The following MYLK variants were observed in gnomAD, a reference collection of about 807,000 sequenced individuals.
MYLK encodes the protein myosin light chain kinase.
A neutral mutation model predicts 203.4 loss-of-function variants in MYLK; 106 were observed. The ratio of observed to expected loss-of-function variants is 0.52; its 90% CI spans 0.45 to 0.61. The LOEUF (loss-of-function observed/expected upper bound fraction) is 0.61. Ranked by LOEUF, MYLK falls within the 20% of genes least tolerant of loss-of-function variation. MYLK has a pLI of 0.00. For synonymous variants in MYLK, 867 were observed against 959.5 expected, an observed-to-expected ratio of 0.90 and a Z score of 1.78; for missense variants, 2,072 against 2,442.3, an observed-to-expected ratio of 0.85 and a Z score of 3.20.
chr3:123,798,896 T>C (rs2109139843), intron 3 of MYLK, among the ~76,000 whole-genome samples: 1 of 152,284 alleles, frequency 6.6e-6, no homozygotes, highest in South Asian at 2.1e-4. Flanking sequence ...AAAAAATTAA[T>C]AATAAAGTAA....
chr3:123,667,160 G>A lies in MYLK; in HGVS notation c.3680C>T (p.Ala1227Val). The A allele has an allele frequency of 2.5e-6, 4 of 1,614,120 alleles. No homozygotes were observed. The highest frequency in any genetic ancestry group is 3.4e-6 in the Non-Finnish European group (4 of 1,180,014). ...ACCTGCCTTCGGAGGTGTCTTGGGG[G>A]CAGGTTTCTTTTTCACAGTCGCATC... ...ESDATVKKKP[A>V]PKTPPKAAMP... is the part of the protein sequence containing the mutation. Residue 1227 changes from alanine (A) to valine (V), a missense_variant, in exon 21 of 34, where the codon GCC becomes GTC. Ala to Val is a moderately conservative substitution (Grantham distance 64). Transcript: ENST00000360304.
chr3:123,779,323 T>C (rs1247456152), intron 4 of MYLK, among the ~76,000 whole-genome samples: 3 of 152,226 alleles, frequency 2.0e-5, no homozygotes, highest in African/African-American at 7.2e-5. Flanking sequence ...GTGGAAAGTA[T>C]GTTCAGGTGC....
At chr3:123,682,902 C>G (rs2060318480) in intron 19 of MYLK, among the ~76,000 whole-genome samples, 2 of 152,170 alleles carry the variant, frequency 1.3e-5, no homozygotes, top group Non-Finnish European at 2.9e-5. Flanking sequence ...TAGACCTCCC[C>G]CAACAGGCCC....
chr3:123,697,654 G>C (rs2060987311), intron 18 of MYLK, among the ~76,000 whole-genome samples: 1 of 152,196 alleles, frequency 6.6e-6, no homozygotes. Context: ...TACAGTCATT[G>C]TTGGGAGGAT....
intron 18 of MYLK, among the ~76,000 whole-genome samples, chr3:123,696,560 AC>A (rs1335598274): frequency 6.6e-6 from 1 of 150,816 alleles, no homozygotes; most frequent in Non-Finnish European, 1.5e-5. Flanking sequence ...CCACTCAGGC[AC>A]CCACACTTAG....
chr3:123,696,258 A>T (rs1022742140), intron 18 of MYLK, among the ~76,000 whole-genome samples: 2 of 152,270 alleles, frequency 1.3e-5, no homozygotes, highest in South Asian at 4.2e-4. Flanking sequence ...GCAGATACAC[A>T]GGTTGATGGG....
intron 3 of MYLK, among the ~76,000 whole-genome samples, chr3:123,827,331 A>G (rs1002478384): frequency 6.6e-6 from 1 of 152,148 alleles, no homozygotes; most frequent in East Asian, 1.9e-4. Context: ...AAACCCAAAC[A>G]GGTCCTCACT....
At chr3:123,713,197 G>A (rs1425289922) in intron 13 of MYLK, among the ~76,000 whole-genome samples, 1 of 152,156 alleles carries the variant, frequency 6.6e-6, no homozygotes, top group Non-Finnish European at 1.5e-5. Flanking sequence ...AAGCCCTACA[G>A]CAAGAAAGAA....
intron 12 of MYLK, among the ~76,000 whole-genome samples, chr3:123,723,560 G>A (rs2062169357): frequency 1.3e-5 from 2 of 152,216 alleles, no homozygotes. Context: ...CAAGCCTTTT[G>A]AGAGCTCTCC....
intron 5 of MYLK, among the ~76,000 whole-genome samples, chr3:123,752,038 G>T (rs2063209980): frequency 6.6e-6 from 1 of 152,012 alleles, no homozygotes; most frequent in Non-Finnish European, 1.5e-5. Context: ...GTGGGGCTCT[G>T]TAAGACCATC....
rs368325180 is a variant in MYLK at position 123,752,444 on chromosome 3, C to G, written c.260G>C (p.Gly87Ala). The change falls in exon 5 of 34, where the codon GGG (glycine) becomes GCG (alanine). Residue 87 changes from glycine (G) to alanine (A), a missense_variant. This residue lies in a region of MYLK where 683 missense variants were observed against 643.8 expected (regional missense o/e 1.06). Transcript: ENST00000360304. Reference protein sequence around the residue: ...GRFLLDCGIRGTFSLVIHAVH... With the variant: ...GRFLLDCGIRATFSLVIHAVH... Reference sequence around the variant, plus strand: ...AGCATGAATCACAAGGCTGAAAGTCCCCCGGATGCCGCAATCCAGCAGGAA... The same window carrying G: ...AGCATGAATCACAAGGCTGAAAGTCGCCCGGATGCCGCAATCCAGCAGGAA... 1 of 1,614,174 alleles carries G rather than the reference C, an allele frequency of 6.2e-7. No homozygotes were observed. The highest frequency in any genetic ancestry group is 2.2e-5 in the East Asian group (1 of 44,876).
intron 31 of MYLK, chr3:123,622,521 C>T (rs1022517407): frequency 1.3e-5 from 2 of 152,168 alleles, no homozygotes; most frequent in Non-Finnish European, 2.9e-5. Flanking sequence ...TGTGGCGAGA[C>T]GATGTCTTTT....
Position 123,737,507 on chromosome 3 carries a change from C to G in MYLK, c.625G>C (p.Val209Leu), listed in dbSNP as rs2062718110. 6.2e-7 allele frequency: 1 copy of G among 1,614,202 alleles called. No individual in the cohort carries two copies. Among genetic ancestry groups the G allele is most frequent in the East Asian group, 2.2e-5 (1 of 44,878 alleles). ...VPLQPSARVS[V>L]SEKNGMQVLE... ...ACCTGCATGCCGTTCTTCTCAGACACAGACACACGGGCACTCGGCTGCAGT... is the reference window on the plus strand; with the variant it reads ...ACCTGCATGCCGTTCTTCTCAGACAGAGACACACGGGCACTCGGCTGCAGT... Residue 209 changes from valine (V) to leucine (L), a missense_variant, in exon 8 of 34, where the codon GTG becomes CTG. Val to Leu is a conservative substitution (Grantham distance 32). Around this residue, in one of 3 missense-constraint regions of MYLK, gnomAD observed 683 missense variants for 643.8 expected, o/e 1.06. Coordinates refer to ENST00000360304, the MANE Select transcript of MYLK (RefSeq NM_053025.4).
At chr3:123,876,689 CA>C (rs1342000315) in intron 1 of MYLK, 72 bp from the exon 2 acceptor site, 1 of 152,142 alleles carries the variant, frequency 6.6e-6, no homozygotes, top group African/African-American at 2.4e-5. Flanking sequence ...ACATCACAAA[CA>C]TCTGGAAAGC....
At chr3:123,806,552 A>G (rs1022136030) in intron 3 of MYLK, among the ~76,000 whole-genome samples, 1 of 152,236 alleles carries the variant, frequency 6.6e-6, no homozygotes, top group African/African-American at 2.4e-5. Context: ...TAATGTTACC[A>G]AAAGGGTTTT....
Position 123,642,762 on chromosome 3 carries a change from CA to C in MYLK, c.4620-2259del, listed in dbSNP as rs2058881765. 6.6e-6 allele frequency among the ~76,000 whole-genome samples: 1 copy of C among 152,238 alleles called. No individual in the cohort carries two copies. Reference sequence around the variant, plus strand: ...GCAGATTAAAAACAGCCTCACCTCACAGGGTGGCTTCAAAGACTAAATGAGT... The same window carrying C: ...GCAGATTAAAAACAGCCTCACCTCACGGGTGGCTTCAAAGACTAAATGAGT... On this transcript the variant is annotated intron_variant, in intron 27 of 33. Coordinates refer to ENST00000360304, the MANE Select transcript of MYLK (RefSeq NM_053025.4). The surrounding 1 kb of genome is among the most constrained non-coding windows in gnomAD (Gnocchi z 4.2).
At chr3:123,737,283 A>G in intron 8 of MYLK, 95 bp downstream of exon 8, 2 of 1,515,212 alleles carry the variant, frequency 1.3e-6, no homozygotes, top group Non-Finnish European at 1.8e-6. Flanking sequence ...GGCCAGGTGT[A>G]TACACACACA....
chr3:123,687,505 AC>A (rs142013166), intron 19 of MYLK, among the ~76,000 whole-genome samples: 5 of 152,098 alleles, frequency 3.3e-5, no homozygotes, highest in African/African-American at 1.2e-4. Context: ...GTCACCAATG[AC>A]CTCAATGTTG....
At chr3:123,726,107 G>C (rs899563563) in intron 11 of MYLK, 29 bp from the exon 12 acceptor site, 5 of 1,613,608 alleles carry the variant, frequency 3.1e-6, no homozygotes, top group Non-Finnish European at 4.2e-6. Flanking sequence ...GGTCAGCTCA[G>C]ATCACAGCTT....
Sources: gnomAD v4.1 joint callset for allele counts (sites outside exome capture counted in the v4.1 genomes callset) on GRCh38, gnomAD v4.1.1 for gene constraint, gnomAD v4.1.1 regional missense constraint, Gnocchi (gnomAD v3.1) non-coding constraint, MANE v1.5 for transcripts, NCBI Gene and HGNC (gene_info 2026-07-23, HGNC 2026-07-21) for gene names.